MARCHF1: variants seen among roughly 807,000 people sequenced by gnomAD.
MARCHF1 encodes the protein E3 ubiquitin-protein ligase MARCHF1.
A neutral mutation model predicts 54.2 loss-of-function variants in MARCHF1; 40 were observed. The ratio of observed to expected loss-of-function variants is 0.74; its 90% CI spans 0.57 to 0.96. MARCHF1 has a LOEUF of 0.96. Ranked by LOEUF, MARCHF1 falls within the 40% of genes least tolerant of loss-of-function variation. The pLI is 0.00. For synonymous variants in MARCHF1, 236 were observed against 236.3 expected (o/e 1.00, Z 0.01); for missense variants, 586 against 656.5 (o/e 0.89, Z 1.17).
At chr4:163,996,961 T>C (rs1489797213) in intron 2 of MARCHF1, among the ~76,000 whole-genome samples, 2 of 152,074 alleles carry the variant, frequency 1.3e-5, no homozygotes, top group Non-Finnish European at 2.9e-5. Flanking sequence ...ATATTTCTAT[T>C]GTTTAAGCCA....
At chr4:163,552,872 A>G (rs1216433930) in intron 8 of MARCHF1, among the ~76,000 whole-genome samples, 1 of 152,074 alleles carries the variant, frequency 6.6e-6, no homozygotes, top group East Asian at 1.9e-4. Flanking sequence ...CATCTACTAA[A>G]AATACAAAAA....
chr4:164,132,642 T>G (rs1192190343), intron 1 of MARCHF1, among the ~76,000 whole-genome samples: 1 of 152,164 alleles, frequency 6.6e-6, no homozygotes, highest in Non-Finnish European at 1.5e-5. Context: ...TTGAATATCC[T>G]GTTCTCCACT....
intron 2 of MARCHF1, among the ~76,000 whole-genome samples, chr4:164,010,260 T>C (rs962022032): frequency 2.4e-4 from 36 of 151,294 alleles, no homozygotes; most frequent in African/African-American, 7.3e-4. Context: ...TTTTGGTTTT[T>C]TTTTTTTTCT....
intron 4 of MARCHF1, among the ~76,000 whole-genome samples, chr4:163,770,556 AC>A (rs1183899831): frequency 6.7e-6 from 1 of 148,642 alleles, no homozygotes; most frequent in African/African-American, 2.5e-5. Context: ...ACACACACAC[AC>A]ACACACAAAC....
chr4:163,858,790 G>A (rs1014723193), intron 3 of MARCHF1, among the ~76,000 whole-genome samples: 2 of 152,170 alleles, frequency 1.3e-5, no homozygotes, highest in Admixed American at 1.3e-4. Flanking sequence ...CTGAGTGGAT[G>A]TTTTCACGTG....
At chr4:164,013,449 G>C (rs1753468905) in intron 2 of MARCHF1, among the ~76,000 whole-genome samples, 1 of 152,124 alleles carries the variant, frequency 6.6e-6, no homozygotes, top group South Asian at 2.1e-4. Flanking sequence ...TTGGCCTTAA[G>C]GAGGATGGAA....
intron 4 of MARCHF1, among the ~76,000 whole-genome samples, chr4:163,756,976 G>A (rs964971704): frequency 6.6e-6 from 1 of 152,130 alleles, no homozygotes; most frequent in South Asian, 2.1e-4. Context: ...ATACACAAGA[G>A]GATGGAGAAG....
intron 3 of MARCHF1, among the ~76,000 whole-genome samples, chr4:163,889,786 T>C (rs927223873): frequency 6.6e-6 from 1 of 151,440 alleles, no homozygotes; most frequent in African/African-American, 2.4e-5. Context: ...ACCCTCTTAA[T>C]CCACCTCAGC....
chr4:164,204,734 G>A (rs1202053798), intron 1 of MARCHF1, among the ~76,000 whole-genome samples: 1 of 152,180 alleles, frequency 6.6e-6, no homozygotes, highest in Non-Finnish European at 1.5e-5. Context: ...CAAAGGTAAT[G>A]CTGAAGGTGT....
At chr4:164,092,773 G>A (rs1302190258) in intron 2 of MARCHF1, among the ~76,000 whole-genome samples, 1 of 152,106 alleles carries the variant, frequency 6.6e-6, no homozygotes, top group Non-Finnish European at 1.5e-5. Context: ...TGAACCAATT[G>A]ATAAAGAAGA....
chr4:163,585,771 G>A lies in MARCHF1; in HGVS notation c.1169C>T (p.Thr390Ile). The change falls in exon 8 of 10, where the codon ACC becomes ATC. Residue 390 changes from threonine (T) to isoleucine (I), a missense_variant. Thr to Ile is a moderately conservative substitution (Grantham distance 89). Around this residue, in one of 3 missense-constraint regions of MARCHF1, gnomAD observed 93 missense variants for 168.2 expected, o/e 0.55. Coordinates refer to ENST00000514618, the MANE Select transcript of MARCHF1 (RefSeq NM_001394959.1). ...TACCTTCCGGAGGGGTTTGAGCTTG[G>A]TCTCCATTATGAAGTCATACTTGCA... is the stretch of plus-strand genomic sequence containing the variant. ...ELCKYDFIME[T>I]KLKPLRKWEK... 5 of 1,608,176 alleles carry A rather than the reference G, an allele frequency of 3.1e-6. No individual in the cohort carries two copies. Among genetic ancestry groups the A allele is most frequent in the Non-Finnish European group, 4.2e-6 (5 of 1,176,480 alleles).
intron 2 of MARCHF1, among the ~76,000 whole-genome samples, chr4:164,005,358 G>A (rs893103111): frequency 6.6e-6 from 1 of 152,090 alleles, no homozygotes; most frequent in Admixed American, 6.6e-5. Flanking sequence ...AAACAGCAGT[G>A]TAGAAGGAAG....
At chr4:164,211,277 T>C (rs1372572974) in intron 1 of MARCHF1, among the ~76,000 whole-genome samples, 1 of 83,050 alleles carries the variant, frequency 1.2e-5, no homozygotes, top group Non-Finnish European at 2.5e-5. Context: ...TTAATCTTTA[T>C]GTATATATAT....
intron 8 of MARCHF1, among the ~76,000 whole-genome samples, chr4:163,574,398 G>C (rs1157779776): frequency 7.9e-5 from 12 of 151,898 alleles, no homozygotes; most frequent in Non-Finnish European, 1.8e-4. Flanking sequence ...CCGTGCCTAT[G>C]TCCTGAATGG....
intron 3 of MARCHF1, among the ~76,000 whole-genome samples, chr4:163,882,133 C>A (rs1356168618): frequency 6.6e-6 from 1 of 152,162 alleles, no homozygotes; most frequent in Non-Finnish European, 1.5e-5. Flanking sequence ...CTTCACAGAG[C>A]AGAGATTAAT....
At chr4:163,938,118 G>T (rs1460067724) in intron 3 of MARCHF1, among the ~76,000 whole-genome samples, 1 of 152,138 alleles carries the variant, frequency 6.6e-6, no homozygotes, top group Non-Finnish European at 1.5e-5. Flanking sequence ...CAGTGATAAA[G>T]TGCATGAATA....
chr4:164,019,054 A>G (rs2110962516), intron 2 of MARCHF1, among the ~76,000 whole-genome samples: 1 of 152,306 alleles, frequency 6.6e-6, no homozygotes, highest in East Asian at 1.9e-4. Context: ...GCTGATTAAC[A>G]TAGACTACAT....
intron 5 of MARCHF1, among the ~76,000 whole-genome samples, chr4:163,690,175 C>A (rs1329965066): frequency 1.3e-5 from 2 of 152,154 alleles, no homozygotes; most frequent in Non-Finnish European, 2.9e-5. Context: ...GATTTGTGAG[C>A]CAACTTGCAG....
intron 3 of MARCHF1, among the ~76,000 whole-genome samples, chr4:163,966,512 A>C (rs1752447174): frequency 6.6e-6 from 1 of 152,126 alleles, no homozygotes; most frequent in African/African-American, 2.4e-5. Flanking sequence ...ATGAGAATAC[A>C]ATAATAGTAA....
Sources: gnomAD v4.1 joint callset for allele counts (sites outside exome capture counted in the v4.1 genomes callset) on GRCh38, gnomAD v4.1.1 for gene constraint, gnomAD v4.1.1 regional missense constraint, MANE v1.5 for transcripts, NCBI Gene and HGNC (gene_info 2026-07-23, HGNC 2026-07-21) for gene names.